Variants in FHIP2A observed in about 807,000 individuals in gnomAD.
FHIP2A encodes FHF complex subunit HOOK interacting protein 2A, also known as family with sequence similarity 160 member B1.
In FHIP2A, 46 loss-of-function variants were observed where a neutral mutation model predicts 93.5. The ratio of observed to expected loss-of-function variants is 0.49; its 90% CI spans 0.39 to 0.63. The LOEUF (loss-of-function observed/expected upper bound fraction) is 0.63. Among genes scored for constraint, FHIP2A ranks in the 20% least tolerant of loss-of-function variants. The pLI, the probability that FHIP2A is intolerant of heterozygous loss-of-function variation, is 0.00. For synonymous variants in FHIP2A, 332 were observed against 326.5 expected, an observed-to-expected ratio of 1.02 and a Z score of -0.18; for missense variants, 769 against 909.7, an observed-to-expected ratio of 0.85 and a Z score of 1.99.
intron 1 of FHIP2A, among the ~76,000 whole-genome samples, chr10:114,826,393 C>T (rs941087443): frequency 6.6e-6 from 1 of 152,162 alleles, no homozygotes; most frequent in African/African-American, 2.4e-5. Context: ...TATACATTTC[C>T]ATTTCTTCAT....
Position 114,862,945 on chromosome 10 carries a change from T to C in FHIP2A, c.*1405T>C, listed in dbSNP as rs1037374976. 4 of 985,318 alleles carry C rather than the reference T, an allele frequency of 4.1e-6. No individual in the cohort carries two copies. The African/African-American group carries it at 5.2e-5, about 13-fold the overall frequency. 61.0% of individuals were successfully genotyped at this position (985,318 alleles called of 1,614,324 possible). ...ATATACGCATTGTGTGGCATGTGCA[T>C]AGAGGCTTGTTTTACACCTATCTGC... On this transcript the variant is annotated 3_prime_UTR_variant, in exon 17 of 17. Coordinates refer to ENST00000369248, the MANE Select transcript of FHIP2A (RefSeq NM_020940.4).
In FHIP2A at chr10:114,846,737, C is replaced by T. The variant is rs371598926; in HGVS notation, c.1568+9C>T. On this transcript the variant is annotated intron_variant, in intron 11 of 16. Coordinates refer to ENST00000369248, the MANE Select transcript of FHIP2A (RefSeq NM_020940.4). Reference sequence around the variant, plus strand: ...TTGATAGCAGGAGCAGTGTAAGTTTCCATCCAACTCCGTGAGTTCAGCATT... The same window carrying T: ...TTGATAGCAGGAGCAGTGTAAGTTTTCATCCAACTCCGTGAGTTCAGCATT... 3.8e-6 allele frequency: 6 copies of T among 1,579,556 alleles called. No individual in the cohort carries two copies. The African/African-American group carries it at 6.8e-5, about 18-fold the overall frequency.
intron 14 of FHIP2A, among the ~76,000 whole-genome samples, chr10:114,859,071 A>G (rs924253009): frequency 4.6e-5 from 7 of 152,186 alleles, no homozygotes; most frequent in Non-Finnish European, 7.3e-5. Flanking sequence ...CTCTTAAACT[A>G]TCCTTTACTG....
chr10:114,822,071 G>C lies in FHIP2A; in HGVS notation c.-8G>C. 7.5e-7 allele frequency: 1 copy of C among 1,329,452 alleles called. No homozygotes were observed. The highest frequency in any genetic ancestry group is 1.9e-5 in the South Asian group (1 of 53,636). The allele number at this position is 1,329,452 out of a possible 1,614,324, so 82.4% of individuals were successfully genotyped here. A position where few individuals can be genotyped will look rare whatever the true frequency, so the allele number is the denominator to read the frequency against. On this transcript the variant is annotated 5_prime_UTR_variant, in exon 1 of 17. Transcript: ENST00000369248. ...TCCCGGGAGAGGCTGCTGCAGTCCC[G>C]GGACAGGATGTTCTCCAAGTTCACC...
downstream of FHIP2A, chr10:114,864,752 A>G: frequency 1.1e-6 from 1 of 947,114 alleles, no homozygotes; most frequent in Non-Finnish European, 1.3e-6. Flanking sequence ...AATTGGGAAC[A>G]TTTTATCCAA....
chr10:114,870,363 TAAC>T (rs1403779036), intron 16 of FHIP2A, among the ~76,000 whole-genome samples: 1 of 149,922 alleles, frequency 6.7e-6, no homozygotes, highest in Non-Finnish European at 1.5e-5. Flanking sequence ...CCCTGCCTCT[TAAC>T]AATGATTTTA....
chr10:114,861,592 AAAAAAGACTCAGTTCCACCC>A lies in FHIP2A; in HGVS notation c.*54_*73del, dbSNP rs1173597822. On this transcript the variant is annotated 3_prime_UTR_variant, in exon 17 of 17. Transcript: ENST00000369248. ...ACAGAACTACTGTGTACATTTCACC[AAAAAAGACTCAGTTCCACCC>A]AGCCACAAGAGGATAAAAAGCCTTT... 2 of 1,589,608 alleles carry A rather than the reference AAAAAAGACTCAGTTCCACCC, an allele frequency of 1.3e-6. No individual in the cohort carries two copies. Among genetic ancestry groups the A allele is most frequent in the Non-Finnish European group, 1.7e-6 (2 of 1,170,588 alleles).
intron 16 of FHIP2A, among the ~76,000 whole-genome samples, chr10:114,897,572 T>A (rs1431282112): frequency 3.3e-5 from 5 of 152,240 alleles, no homozygotes; most frequent in Admixed American, 2.0e-4. Context: ...ATTTTATATC[T>A]AAATTGTTGG....
At chr10:114,869,550 C>T (rs1031998370), downstream of FHIP2A, among the ~76,000 whole-genome samples, 2 of 152,168 alleles carry the variant, frequency 1.3e-5, no homozygotes, top group African/African-American at 4.8e-5. Flanking sequence ...GAAGAAAACA[C>T]CTACTTTTAA....
intron 13 of FHIP2A, among the ~76,000 whole-genome samples, chr10:114,854,225 G>A (rs1002525292): frequency 6.6e-5 from 10 of 151,526 alleles, no homozygotes; most frequent in African/African-American, 1.2e-4. Context: ...AGGTGTGGTG[G>A]CTCATGCCTG....
intron 14 of FHIP2A, among the ~76,000 whole-genome samples, chr10:114,859,422 C>G (rs750753576): frequency 3.9e-5 from 6 of 152,150 alleles, no homozygotes; most frequent in Non-Finnish European, 8.8e-5. Flanking sequence ...GCAGGTTGTT[C>G]AGTGGCTGAG....
At chr10:114,857,314 C>CTTT (rs78583275) in intron 14 of FHIP2A, among the ~76,000 whole-genome samples, 2 of 120,704 alleles carry the variant, frequency 1.7e-5, no homozygotes, top group South Asian at 2.9e-4. Context: ...ATTTCTTCTT[C>CTTT]TTTTTTTTTT....
chr10:114,846,122 C>T (rs1426071165), intron 9 of FHIP2A, 33 bp downstream of exon 9: 1 of 1,611,890 alleles, frequency 6.2e-7, no homozygotes, highest in Non-Finnish European at 8.5e-7. Context: ...AAAAAAACCG[C>T]ATCACTGTGT....
chr10:114,831,708 T>C lies in FHIP2A; in HGVS notation c.124+778T>C, dbSNP rs920252568. On this transcript the variant is annotated intron_variant, in intron 2 of 16. Coordinates refer to ENST00000369248, the MANE Select transcript of FHIP2A (RefSeq NM_020940.4). The stretch of plus-strand genomic sequence containing the variant: ...CTAAGGACTGAGCTTTATTATTTCA[T>C]TGAATTCATATAACAGTACTCACTA... Among the ~76,000 whole-genome samples, 18 of 152,376 alleles carry C rather than the reference T, an allele frequency of 1.2e-4. No homozygotes were observed. In the East Asian group the frequency reaches 3.1e-3, roughly 26 times the overall value.
chr10:114,878,791 A>AAAGAAAGAAAG (rs796671658), intron 16 of FHIP2A, among the ~76,000 whole-genome samples: 10 of 135,524 alleles, frequency 7.4e-5, no homozygotes, highest in African/African-American at 2.7e-4. Context: ...AAAAAAAAAA[A>AAAGAAAGAAAG]AAAGAAAGAA....
chr10:114,859,561 T>G (rs2083785774), intron 14 of FHIP2A, among the ~76,000 whole-genome samples: 1 of 152,224 alleles, frequency 6.6e-6, no homozygotes, highest in Admixed American at 6.5e-5. Context: ...GTAGTTAGTT[T>G]TGTTGCAACC....
At chr10:114,865,292 A>G (rs1268143958), downstream of FHIP2A, among the ~76,000 whole-genome samples, 1 of 152,086 alleles carries the variant, frequency 6.6e-6, no homozygotes, top group African/African-American at 2.4e-5. Context: ...CTGGCCCAGA[A>G]AAACAATTTA....
intron 12 of FHIP2A, among the ~76,000 whole-genome samples, chr10:114,847,536 G>T (rs991446169): frequency 6.6e-6 from 1 of 152,046 alleles, no homozygotes; most frequent in Non-Finnish European, 1.5e-5. Flanking sequence ...TGATCGGCCC[G>T]CCTCGGCCTC....
intron 16 of FHIP2A, among the ~76,000 whole-genome samples, chr10:114,877,299 G>T (rs1398610793): frequency 1.3e-5 from 2 of 152,136 alleles, no homozygotes; most frequent in Non-Finnish European, 2.9e-5. Flanking sequence ...CGAGGGTTCA[G>T]GTCAAGCACG....
Sources: gnomAD v4.1 joint callset for allele counts (sites outside exome capture counted in the v4.1 genomes callset) on GRCh38, gnomAD v4.1.1 for gene constraint, MANE v1.5 for transcripts, NCBI Gene and HGNC (gene_info 2026-07-23, HGNC 2026-07-21) for gene names.